FBXO24: variants seen among roughly 807,000 people sequenced by gnomAD.
FBXO24 encodes the protein F-box protein 24.
Under a neutral mutation model 63.5 loss-of-function variants are expected in FBXO24, and 30 were observed. The observed-to-expected ratio is 0.47, with a 90% CI of 0.35 to 0.64. The LOEUF (loss-of-function observed/expected upper bound fraction) is 0.64. Among genes scored for constraint, FBXO24 ranks in the 30% least tolerant of loss-of-function variants. FBXO24 has a pLI of 0.00. For missense variants in FBXO24, 624 were observed against 763.4 expected, an observed-to-expected ratio of 0.82 and a Z score of 2.15; for synonymous variants, 300 against 305.0, an observed-to-expected ratio of 0.98 and a Z score of 0.17.
intron 1 of FBXO24, chr7:100,586,874 T>G (rs1584416175): frequency 6.9e-5 from 28 of 404,668 alleles, no homozygotes; most frequent in Admixed American, 9.1e-5. Context: ...CCTCCGACTG[T>G]GAAGCCTCTG....
chr7:100,586,521 C>A lies in FBXO24; in HGVS notation c.-105C>A. ...TAGTCCTCGTCCCCCAAAGACCAAT[C>A]GTAAGCCAGATACAGGCGAGTGACT... On this transcript the variant is annotated 5_prime_UTR_variant, in exon 1 of 10. Transcript: ENST00000241071. The A allele has an allele frequency of 8.1e-7, 1 of 1,242,046 alleles. No homozygotes were observed. The highest frequency in any genetic ancestry group is 1.2e-5 in the South Asian group (1 of 81,556). The allele number at this position is 1,242,046 out of a possible 1,614,324, so 76.9% of individuals were successfully genotyped here.
rs1802210207 is a variant in FBXO24, at chr7:100,594,615, T to G, written c.952+74T>G. 6 of 1,396,364 alleles carry G rather than the reference T, an allele frequency of 4.3e-6. No homozygotes were observed. In the South Asian group the frequency reaches 9.5e-5, roughly 22 times the overall value. The allele number at this position is 1,396,364 out of a possible 1,614,324, so 86.5% of individuals were successfully genotyped here. A position where few individuals can be genotyped will look rare whatever the true frequency, so the allele number is the denominator to read the frequency against. On this transcript the variant is annotated intron_variant, in intron 6 of 9. Coordinates refer to ENST00000241071, the MANE Select transcript of FBXO24 (RefSeq NM_033506.3). The surrounding 1 kb of genome is among the most constrained non-coding windows in gnomAD (Gnocchi z 4.2). ...TCTAAACATCAACACCCTTCACCCT[T>G]ACTCCAGCTGCATGGTGAACCCCTG...
Position 100,590,063 on chromosome 7 carries a change from C to T in FBXO24, c.126C>T (p.Phe42=), listed in dbSNP as rs1373202850. 6.2e-6 allele frequency: 10 copies of T among 1,612,864 alleles called. No individual in the cohort carries two copies. In the South Asian group the frequency reaches 9.9e-5, roughly 16 times the overall value. ...GAAATCCGATTTCCATCCAGTTGTT[C>T]CCCCCAGAGCTGGTGAGTCCTTGGG... ...GKGNPISIQL[F]PPELVEHIIS... The change falls in exon 2 of 10, where the codon TTC becomes TTT. Residue 42 remains phenylalanine, a synonymous_variant. Coordinates refer to ENST00000241071, the MANE Select transcript of FBXO24 (RefSeq NM_033506.3).
Position 100,592,894 on chromosome 7 carries a change from G to A in FBXO24, c.670G>A (p.Val224Ile). The stretch of plus-strand genomic sequence containing the variant: ...CACCAGCAGCCGGGCCTGTGACTGT[G>A]TTGAGGTCTATCTGCAGTCTAGTGG... ...GTTSSRACDC[V>I]EVYLQSSGQR... The change falls in exon 5 of 10, where the codon GTT (valine) becomes ATT (isoleucine). Residue 224 changes from valine to isoleucine, a missense_variant. This residue lies in a region of FBXO24 where 391 missense variants were observed against 469.1 expected (regional missense o/e 0.83). Coordinates refer to ENST00000241071, the MANE Select transcript of FBXO24 (RefSeq NM_033506.3). The A allele has an allele frequency of 6.2e-7, 1 of 1,614,220 alleles. No homozygotes were observed.
rs556124134 is a variant in FBXO24 at position 100,600,256 on chromosome 7, G to A, written c.1377+55G>A. On this transcript the variant is annotated intron_variant, in intron 9 of 9. Transcript: ENST00000241071. The surrounding 1 kb of genome is among the most constrained non-coding windows in gnomAD (Gnocchi z 6.3). Reference sequence around the variant, plus strand: ...CAGGGAGGATGAGAGCCATGAACCAGGAAGCCCACAGGCTGTAGCTGGGGC... The same window carrying A: ...CAGGGAGGATGAGAGCCATGAACCAAGAAGCCCACAGGCTGTAGCTGGGGC... 3 of 1,465,480 alleles carry A rather than the reference G, an allele frequency of 2.0e-6. No individual in the cohort carries two copies. The highest frequency in any genetic ancestry group is 2.7e-6 in the Non-Finnish European group (3 of 1,104,436). 90.8% of individuals were successfully genotyped at this position (1,465,480 alleles called of 1,614,324 possible).
Position 100,591,921 on chromosome 7 carries a change from G to C in FBXO24, c.558+19G>C. 1 of 1,611,154 alleles carries C rather than the reference G, an allele frequency of 6.2e-7. No homozygotes were observed. Among genetic ancestry groups the C allele is most frequent in the East Asian group, 2.2e-5 (1 of 44,870 alleles). The stretch of plus-strand genomic sequence containing the variant: ...CAAGGATGTGAGTAGCAGAACCCTG[G>C]CAGCTGAGAGCCCACCTGTATTAGT... On this transcript the variant is annotated intron_variant, in intron 4 of 9. Transcript: ENST00000241071.
intron 8 of FBXO24, among the ~76,000 whole-genome samples, chr7:100,597,328 G>C (rs1802359219): frequency 6.6e-6 from 1 of 152,174 alleles, no homozygotes; most frequent in South Asian, 2.1e-4. Context: ...GGAAAAGATA[G>C]TCATGCCATA....
Position 100,595,115 on chromosome 7 carries a change from G to A in FBXO24, c.966G>A (p.Val322=). 1 of 1,613,968 alleles carries A rather than the reference G, an allele frequency of 6.2e-7. No individual in the cohort carries two copies. Among genetic ancestry groups the A allele is most frequent in the Non-Finnish European group, 8.5e-7 (1 of 1,179,934 alleles). ...STLYVTDQGG[V]YFEVHTPGVY... is the part of the protein sequence containing the mutation. ...CTGACCCCCCAGACCAGGGGGGAGTGTATTTTGAGGTGCATACCCCAGGGG... is the reference window on the plus strand; with the variant it reads ...CTGACCCCCCAGACCAGGGGGGAGTATATTTTGAGGTGCATACCCCAGGGG... The change falls in exon 7 of 10, where the codon GTG becomes GTA. Residue 322 remains valine, a synonymous_variant. Coordinates refer to ENST00000241071, the MANE Select transcript of FBXO24 (RefSeq NM_033506.3).
Position 100,594,364 on chromosome 7 carries a change from T to C in FBXO24, c.794-19T>C. 1 of 1,609,712 alleles carries C rather than the reference T, an allele frequency of 6.2e-7. No homozygotes were observed. The highest frequency in any genetic ancestry group is 8.5e-7 in the Non-Finnish European group (1 of 1,178,138). ...ATTGGAGAATCCCCTCCCCAACTAA[T>C]TGCTTCCCCTACCCCCAGAGGAAGG... is the stretch of plus-strand genomic sequence containing the variant. On this transcript the variant is annotated intron_variant, in intron 5 of 9. Transcript: ENST00000241071. The surrounding 1 kb of genome is among the most constrained non-coding windows in gnomAD (Gnocchi z 4.2).
At chr7:100,592,633 C>G in intron 4 of FBXO24, 150 bp from the exon 5 acceptor site, 1 of 645,114 alleles carries the variant, frequency 1.6e-6, no homozygotes, top group Non-Finnish European at 2.8e-6. Context: ...TTTCCTATGA[C>G]TTCTGCCCTC....
chr7:100,599,968 C>G, intron 8 of FBXO24, 63 bp from the exon 9 acceptor site: 270 of 1,158,470 alleles, frequency 2.3e-4, no homozygotes, highest in Non-Finnish European at 3.1e-4. Context: ...TCAACCTTTT[C>G]CCACCCCAGC....
chr7:100,597,461 G>A (rs541780155), intron 8 of FBXO24, among the ~76,000 whole-genome samples: 2 of 151,852 alleles, frequency 1.3e-5, no homozygotes, highest in East Asian at 3.9e-4. Flanking sequence ...GCAATGGCGC[G>A]ATCTCGGCTC....
chr7:100,594,323 G>A lies in FBXO24; in HGVS notation c.794-60G>A. Reference sequence around the variant, plus strand: ...CCCATATGGCCTAGGGAGTCTCTTGGGATGTTTATGTGGATATTGGAGAAT... The same window carrying A: ...CCCATATGGCCTAGGGAGTCTCTTGAGATGTTTATGTGGATATTGGAGAAT... On this transcript the variant is annotated intron_variant, in intron 5 of 9. Transcript: ENST00000241071. The surrounding 1 kb of genome is among the most constrained non-coding windows in gnomAD (Gnocchi z 4.2). 1 of 1,591,940 alleles carries A rather than the reference G, an allele frequency of 6.3e-7. No homozygotes were observed. The highest frequency in any genetic ancestry group is 8.6e-7 in the Non-Finnish European group (1 of 1,167,672).
At chr7:100,586,806 G>A in intron 1 of FBXO24, 142 bp downstream of exon 1, 2 of 895,700 alleles carry the variant, frequency 2.2e-6, no homozygotes, top group Non-Finnish European at 3.7e-6. Context: ...GGGGATTCGG[G>A]CGACTGCTTG....
In FBXO24 at chr7:100,600,312, C is replaced by A; in HGVS notation, c.1377+111C>A. 7.3e-7 allele frequency: 1 copy of A among 1,377,734 alleles called. No homozygotes were observed. The highest frequency in any genetic ancestry group is 9.7e-7 in the Non-Finnish European group (1 of 1,032,928). 85.3% of individuals were successfully genotyped at this position (1,377,734 alleles called of 1,614,324 possible). Reference sequence around the variant, plus strand: ...CAGGGACCCAGGGGGTCCCATTTCCCTAGCACCACCCCACCTCCCTCCTCT... The same window carrying A: ...CAGGGACCCAGGGGGTCCCATTTCCATAGCACCACCCCACCTCCCTCCTCT... On this transcript the variant is annotated intron_variant, in intron 9 of 9. Coordinates refer to ENST00000241071, the MANE Select transcript of FBXO24 (RefSeq NM_033506.3). This position sits in a 1 kb window ranked among gnomAD's most constrained non-coding sequence, Gnocchi z 6.3.
At chr7:100,586,856 C>G in intron 1 of FBXO24, 192 bp downstream of exon 1, 25 of 263,496 alleles carry the variant, frequency 9.5e-5, no homozygotes, top group Non-Finnish European at 1.4e-4. Flanking sequence ...GAAGGGGCAG[C>G]GGGGGGACCT....
Position 100,600,933 on chromosome 7 carries a change from G to A in FBXO24, c.*34G>A, listed in dbSNP as rs572516223. 75 of 1,591,064 alleles carry A rather than the reference G, an allele frequency of 4.7e-5. No homozygotes were observed. The South Asian group carries it at 8.4e-4, about 18-fold the overall frequency. On this transcript the variant is annotated 3_prime_UTR_variant, in exon 10 of 10. Transcript: ENST00000241071. The surrounding 1 kb of genome is among the most constrained non-coding windows in gnomAD (Gnocchi z 6.3). ...ATGCTAGCCTAGTCCCTGGAGGAGG[G>A]AGTCCGGCCCCAGGCCAGGGACTAA...
chr7:100,590,200 A>C lies in FBXO24; in HGVS notation c.165A>C (p.Pro55=). ...TGGAGCATATCATCTCATTCCTCCC[A>C]GTCAGAGACCTTGTTGCCCTCGGCC... The part of the protein sequence containing the change: ...ELVEHIISFL[P]VRDLVALGQT... Residue 55 remains proline, a synonymous_variant, in exon 3 of 10, where the codon CCA becomes CCC. Transcript: ENST00000241071. 1 of 1,613,986 alleles carries C rather than the reference A, an allele frequency of 6.2e-7. No homozygotes were observed. Among genetic ancestry groups the C allele is most frequent in the Non-Finnish European group, 8.5e-7 (1 of 1,179,936 alleles).
rs776839629 is a variant in FBXO24 at position 100,600,511 on chromosome 7, C to A, written c.1378-23C>A. On this transcript the variant is annotated intron_variant, in intron 9 of 9. Transcript: ENST00000241071. This position sits in a 1 kb window ranked among gnomAD's most constrained non-coding sequence, Gnocchi z 6.3. ...GCAAGGAAAGCACCACTCAGCCATG[C>A]CCCCTTTCTCTCCTCCTCCAAGGTC... 3 of 1,530,918 alleles carry A rather than the reference C, an allele frequency of 2.0e-6. No individual in the cohort carries two copies. Among genetic ancestry groups the A allele is most frequent in the Admixed American group, 4.2e-5 (2 of 47,534 alleles). 94.8% of individuals were successfully genotyped at this position (1,530,918 alleles called of 1,614,324 possible). A position where few individuals can be genotyped will look rare whatever the true frequency, so the allele number is the denominator to read the frequency against.
Sources: gnomAD v4.1 joint callset for allele counts (sites outside exome capture counted in the v4.1 genomes callset) on GRCh38, gnomAD v4.1.1 for gene constraint, gnomAD v4.1.1 regional missense constraint, Gnocchi (gnomAD v3.1) non-coding constraint, MANE v1.5 for transcripts, NCBI Gene and HGNC (gene_info 2026-07-23, HGNC 2026-07-21) for gene names.